Variants in DRAM1 observed in about 807,000 individuals in gnomAD.
The protein encoded by DRAM1 is DNA damage-regulated autophagy modulator protein 1.
DRAM1 carries 25 observed loss-of-function variants against 28.5 expected under a neutral mutation model. That is an observed-to-expected ratio of 0.88 (90% CI 0.64 to 1.23). DRAM1 has a LOEUF of 1.23. DRAM1 is among the 50% of genes most tolerant of loss of function. The probability of loss-of-function intolerance (pLI) is 0.00; values close to 1 mark genes in which losing one functional copy is unlikely to be tolerated. For synonymous variants in DRAM1, 113 were observed against 114.2 expected, an observed-to-expected ratio of 0.99 and a Z score of 0.07; for missense variants, 249 against 299.2, an observed-to-expected ratio of 0.83 and a Z score of 1.24.
intron 3 of DRAM1, among the ~76,000 whole-genome samples, chr12:101,902,515 A>G (rs1318917382): frequency 6.6e-6 from 1 of 152,170 alleles, no homozygotes; most frequent in Non-Finnish European, 1.5e-5. Flanking sequence ...GAAGACCTAG[A>G]GTGGTATAAT....
intron 3 of DRAM1, among the ~76,000 whole-genome samples, chr12:101,907,961 C>A (rs1306670422): frequency 6.6e-6 from 1 of 152,104 alleles, no homozygotes. Context: ...AGGCAGACCT[C>A]CTTTCCTTGT....
intron 1 of DRAM1, among the ~76,000 whole-genome samples, chr12:101,888,592 T>G (rs1872975043): frequency 6.6e-6 from 1 of 152,186 alleles, no homozygotes; most frequent in African/African-American, 2.4e-5. Flanking sequence ...TTGTTCAGCC[T>G]GAGTCTACTG....
At chr12:101,882,917 A>G (rs1008381268) in intron 1 of DRAM1, among the ~76,000 whole-genome samples, 1 of 146,052 alleles carries the variant, frequency 6.8e-6, no homozygotes, top group African/African-American at 2.5e-5. Context: ...AGAGTTACTC[A>G]GGGCATTGCT....
chr12:101,881,849 G>A (rs779480159), intron 1 of DRAM1, among the ~76,000 whole-genome samples: 1 of 152,082 alleles, frequency 6.6e-6, no homozygotes, highest in Non-Finnish European at 1.5e-5. Flanking sequence ...CAAATCATGT[G>A]ATTTAACTTA....
At position 101,892,318 on chromosome 12, in the gene DRAM1, C is replaced by T. The variant is rs191573084; in HGVS notation, c.132-5545C>T. ...TGGTGCGATCTCGGCTCACTGCAAC[C>T]TCCACCTCCTGGGTTCAAGAGATTC... On this transcript the variant is annotated intron_variant, in intron 1 of 6. Transcript: ENST00000258534. Among the ~76,000 whole-genome samples, 757 of 151,720 alleles carry T rather than the reference C, an allele frequency of 5.0e-3. 8 individuals carry two copies. The highest frequency in any genetic ancestry group is 5.8e-3 in the Non-Finnish European group (396 of 67,946).
chr12:101,904,860 A>G (rs1873745352), intron 3 of DRAM1, among the ~76,000 whole-genome samples: 1 of 152,088 alleles, frequency 6.6e-6, no homozygotes, highest in South Asian at 2.1e-4. Context: ...AACTTTATCG[A>G]AAATTCATGT....
intron 5 of DRAM1, among the ~76,000 whole-genome samples, chr12:101,919,265 GACACACAGAC>G (rs1874377687): frequency 6.8e-6 from 1 of 148,104 alleles, no homozygotes; most frequent in African/African-American, 2.6e-5. Context: ...CACATCCACA[GACACACAGAC>G]ACACACACGC....
intron 1 of DRAM1, among the ~76,000 whole-genome samples, chr12:101,883,344 C>T (rs1453669029): frequency 6.6e-5 from 8 of 120,436 alleles, no homozygotes; most frequent in Admixed American, 1.9e-4. Flanking sequence ...GATGGAGTTT[C>T]ACTCTTGTTG....
At chr12:101,918,452 T>C (rs12298825) in intron 5 of DRAM1, among the ~76,000 whole-genome samples, 37,902 of 152,172 alleles carry the variant, frequency 0.25, 5,112 homozygotes, top group East Asian at 0.35. Flanking sequence ...CTGTTCTGTA[T>C]CTCCTACTGT....
chr12:101,916,365 G>A (rs531390259), intron 5 of DRAM1, among the ~76,000 whole-genome samples: 11 of 152,176 alleles, frequency 7.2e-5, no homozygotes, highest in Non-Finnish European at 1.6e-4. Context: ...TTAGCCAGAC[G>A]TTGTGGCATG....
At chr12:101,913,237 G>A (rs1384160335) in intron 4 of DRAM1, among the ~76,000 whole-genome samples, 3 of 152,204 alleles carry the variant, frequency 2.0e-5, no homozygotes, top group South Asian at 2.1e-4. Flanking sequence ...GATATGGGGC[G>A]AATCTCTTTG....
At chr12:101,887,309 GT>G (rs1872921525) in intron 1 of DRAM1, among the ~76,000 whole-genome samples, 1 of 152,124 alleles carries the variant, frequency 6.6e-6, no homozygotes, top group Admixed American at 6.6e-5. Flanking sequence ...TGCTTCAAAA[GT>G]GTTTTTAAGA....
chr12:101,901,143 G>A (rs77020495), intron 2 of DRAM1, 148 bp from the exon 3 acceptor site: 8,783 of 673,522 alleles, frequency 0.013, 100 homozygotes, highest in Non-Finnish European at 0.018. Flanking sequence ...GCTGGGGAGA[G>A]AGTAAGATGG....
intron 1 of DRAM1, among the ~76,000 whole-genome samples, chr12:101,888,003 A>T (rs923568020): frequency 4.6e-5 from 7 of 152,226 alleles, no homozygotes; most frequent in South Asian, 4.1e-4. Flanking sequence ...ACGTATTCTG[A>T]CATGATGTTA....
At position 101,923,061 on chromosome 12, in the gene DRAM1, C is replaced by T. The variant is rs1262100595; in HGVS notation, c.*1801C>T. On this transcript the variant is annotated 3_prime_UTR_variant, in exon 7 of 7. Coordinates refer to ENST00000258534, the MANE Select transcript of DRAM1 (RefSeq NM_018370.3). ...TGCAGTGAGCCATGCCAATGCACTC[C>T]AGTCTGGGCAACAGAGTGAGACCCT... 6.6e-6 allele frequency: 1 copy of T among 152,092 alleles called. No homozygotes were observed. Among genetic ancestry groups the T allele is most frequent in the Non-Finnish European group, 1.5e-5 (1 of 68,058 alleles). The allele number at this position is 152,092 out of a possible 1,614,324, so 9.4% of individuals were successfully genotyped here. A position where few individuals can be genotyped will look rare whatever the true frequency, so the allele number is the denominator to read the frequency against.
chr12:101,901,268 A>C (rs757295131), intron 2 of DRAM1, 23 bp from the exon 3 acceptor site: 10 of 1,602,512 alleles, frequency 6.2e-6, no homozygotes, highest in Non-Finnish European at 5.1e-6. Context: ...ATGAACATTC[A>C]TCAAAGTTCT....
intron 4 of DRAM1, among the ~76,000 whole-genome samples, chr12:101,908,837 C>A (rs1338538546): frequency 8.0e-6 from 1 of 125,300 alleles, no homozygotes. Context: ...TTCAGCCAAG[C>A]AAAGGATCTT....
chr12:101,913,705 CAAAAAAAAA>C (rs60536139), intron 4 of DRAM1, among the ~76,000 whole-genome samples: 2 of 50,184 alleles, frequency 4.0e-5, no homozygotes, highest in Non-Finnish European at 8.9e-5. Context: ...GAGTACGTCT[CAAAAAAAAA>C]AAAAAAAAAA....
At position 101,922,013 on chromosome 12, in the gene DRAM1, A is replaced by G. The variant is rs17434787; in HGVS notation, c.*753A>G. 0.059 allele frequency: 8,922 copies of G among 152,292 alleles called. 300 individuals are homozygous for G. Among genetic ancestry groups the G allele is most frequent in the Middle Eastern group, 0.14 (41 of 294 alleles). 9.4% of individuals were successfully genotyped at this position (152,292 alleles called of 1,614,324 possible). ...TGGAATGGTTTCAACAAGTCAGGTGAAAACCATCCTTTATTGTTGCTGGCA... is the reference window on the plus strand; with the variant it reads ...TGGAATGGTTTCAACAAGTCAGGTGGAAACCATCCTTTATTGTTGCTGGCA... On this transcript the variant is annotated 3_prime_UTR_variant, in exon 7 of 7. Coordinates refer to ENST00000258534, the MANE Select transcript of DRAM1 (RefSeq NM_018370.3).
Sources: gnomAD v4.1 joint callset for allele counts (sites outside exome capture counted in the v4.1 genomes callset) on GRCh38, gnomAD v4.1.1 for gene constraint, MANE v1.5 for transcripts, NCBI Gene and HGNC (gene_info 2026-07-23, HGNC 2026-07-21) for gene names.